ABCD2: variants seen among roughly 807,000 people sequenced by gnomAD.
ABCD2 encodes the protein ATP-binding cassette sub-family D member 2.
A neutral mutation model predicts 70.9 loss-of-function variants in ABCD2; 36 were observed. That is an observed-to-expected ratio of 0.51 (90% CI 0.39 to 0.67). ABCD2 has a LOEUF of 0.67. ABCD2 is among the 30% of genes least tolerant of loss of function. The pLI, the probability that ABCD2 is intolerant of heterozygous loss-of-function variation, is 0.00. For missense variants in ABCD2, 729 were observed against 890.2 expected, an observed-to-expected ratio of 0.82 and a Z score of 2.30; for synonymous variants, 304 against 306.9, an observed-to-expected ratio of 0.99 and a Z score of 0.10.
At chr12:39,549,335 CAAGT>C, downstream of ABCD2, among the ~76,000 whole-genome samples, 1 of 152,028 alleles carries the variant, frequency 6.6e-6, no homozygotes, top group African/African-American at 2.4e-5. Context: ...TACTACAAAA[CAAGT>C]AAGTCATTTA....
intron 9 of ABCD2, among the ~76,000 whole-genome samples, chr12:39,560,966 A>G (rs917027279): frequency 2.6e-5 from 4 of 152,188 alleles, no homozygotes; most frequent in African/African-American, 4.8e-5. Context: ...TTACCCACAA[A>G]GAAAGACTGT....
At chr12:39,566,926 T>G (rs1941358917) in intron 9 of ABCD2, among the ~76,000 whole-genome samples, 1 of 152,232 alleles carries the variant, frequency 6.6e-6, no homozygotes, top group African/African-American at 2.4e-5. Flanking sequence ...TCAGTTTCCA[T>G]GTAGTTTAGC....
chr12:39,603,353 A>G (rs73096561), intron 5 of ABCD2, among the ~76,000 whole-genome samples: 9,122 of 152,166 alleles, frequency 0.06, 572 homozygotes, highest in African/African-American at 0.16. Flanking sequence ...CAGGTTTATT[A>G]GATACTTTTA....
the ABCD2 span, among the ~76,000 whole-genome samples, chr12:39,535,897 C>T: frequency 3.9e-3 from 590 of 152,226 alleles, 5 homozygotes; most frequent in African/African-American, 0.013. Context: ...AATCCCAGCA[C>T]TTTGGGAGGC....
chr12:39,595,594 CTTTA>C (rs1280902598), intron 6 of ABCD2, among the ~76,000 whole-genome samples: 3 of 152,156 alleles, frequency 2.0e-5, no homozygotes, highest in Non-Finnish European at 2.9e-5. Context: ...TGATTCATAA[CTTTA>C]TTTATCAAGT....
At position 39,556,649 on chromosome 12, in the gene ABCD2, C is replaced by T. The variant is rs561152258; in HGVS notation, c.2004-2518G>A. Among the ~76,000 whole-genome samples, 4 of 152,236 alleles carry T rather than the reference C, an allele frequency of 2.6e-5. No homozygotes were observed. In the South Asian group the frequency reaches 6.2e-4, roughly 24 times the overall value. On this transcript the variant is annotated intron_variant, in intron 9 of 9. Transcript: ENST00000308666. ...GCAGTTCTTTATAGCGATATGAAAA[C>T]AGACTAATACAGTAAATTGGTACTG...
intron 9 of ABCD2, 123 bp from the exon 10 acceptor site, chr12:39,554,254 G>GT: frequency 1.1e-6 from 1 of 908,212 alleles, no homozygotes; most frequent in Admixed American, 3.1e-5. Flanking sequence ...TTACATTTGA[G>GT]TTTTAAGGAC....
intron 6 of ABCD2, among the ~76,000 whole-genome samples, chr12:39,597,084 G>A (rs985657420): frequency 1.3e-5 from 2 of 152,018 alleles, no homozygotes; most frequent in Non-Finnish European, 1.5e-5. Context: ...CAGATACAGA[G>A]GCCCAACTGT....
chr12:39,595,890 T>C (rs552190833), intron 6 of ABCD2, among the ~76,000 whole-genome samples: 66 of 152,262 alleles, frequency 4.3e-4, no homozygotes, highest in African/African-American at 1.5e-3. Flanking sequence ...AGCTAGAGAC[T>C]GGGAAAATGG....
At chr12:39,542,218 C>A in the ABCD2 span, among the ~76,000 whole-genome samples, 1 of 152,144 alleles carries the variant, frequency 6.6e-6, no homozygotes, top group African/African-American at 2.4e-5. Flanking sequence ...AATCCCAGCA[C>A]TTTGGGAGGC....
the ABCD2 span, among the ~76,000 whole-genome samples, chr12:39,544,149 A>G: frequency 6.6e-6 from 1 of 152,150 alleles, no homozygotes; most frequent in East Asian, 1.9e-4. Flanking sequence ...GGGGGAAGCC[A>G]GTGAGCCAGA....
At chr12:39,618,022 C>T (rs1334387488) in intron 1 of ABCD2, among the ~76,000 whole-genome samples, 1 of 146,976 alleles carries the variant, frequency 6.8e-6, no homozygotes, top group Non-Finnish European at 1.5e-5. Context: ...TCTCTAATTT[C>T]AGCTTTTTTT....
chr12:39,619,550 C>T lies in ABCD2; in HGVS notation c.66G>A (p.Arg22=). The change falls in exon 1 of 10, where the codon AGG becomes AGA. Residue 22 remains arginine, a synonymous_variant. Coordinates refer to ENST00000308666, the MANE Select transcript of ABCD2 (RefSeq NM_005164.4). ...ATGCCGCAGCCACCAGGCAGGCAGC[C>T]CTCTTAGCAGCACTCGATCTGGTCC... is the stretch of plus-strand genomic sequence containing the variant. The part of the protein sequence containing the change: ...VKWTRSSAAK[R]AACLVAAAYA... The T allele has an allele frequency of 6.2e-7, 1 of 1,611,454 alleles. No homozygotes were observed. Among genetic ancestry groups the T allele is most frequent in the Middle Eastern group, 1.6e-4 (1 of 6,062 alleles).
chr12:39,605,697 G>A (rs1941960562), intron 3 of ABCD2, among the ~76,000 whole-genome samples: 1 of 152,026 alleles, frequency 6.6e-6, no homozygotes, highest in Admixed American at 6.6e-5. Flanking sequence ...ACTCTGAAAG[G>A]TGACTCATTT....
chr12:39,619,476 G>C lies in ABCD2; in HGVS notation c.140C>G (p.Ser47Cys), dbSNP rs148402840. ...YPIIGKRLKQ[S>C]GHGKKKAAAY... ...TGCTGCTTTTTTCTTCCCGTGGCCAGATTGCTTTAAACGCTTGCCAATGAT... is the reference window on the plus strand; with the variant it reads ...TGCTGCTTTTTTCTTCCCGTGGCCACATTGCTTTAAACGCTTGCCAATGAT... The change falls in exon 1 of 10, where the codon TCT (serine) becomes TGT (cysteine). Residue 47 changes from serine (S) to cysteine (C), a missense_variant. Ser to Cys is a moderately radical substitution (Grantham distance 112). Around this residue, in one of 3 missense-constraint regions of ABCD2, gnomAD observed 245 missense variants for 261.2 expected, o/e 0.94. Transcript: ENST00000308666. The C allele has an allele frequency of 1.2e-6, 2 of 1,613,642 alleles. No homozygotes were observed. Among genetic ancestry groups the C allele is most frequent in the Non-Finnish European group, 1.7e-6 (2 of 1,180,032 alleles).
the ABCD2 span, among the ~76,000 whole-genome samples, chr12:39,537,350 A>C: frequency 6.6e-6 from 1 of 152,198 alleles, no homozygotes; most frequent in African/African-American, 2.4e-5. Context: ...GAACGACTGG[A>C]AAGTAGAGTG....
chr12:39,607,503 A>T, intron 3 of ABCD2, 96 bp downstream of exon 3: 1 of 1,016,826 alleles, frequency 9.8e-7, no homozygotes, highest in Non-Finnish European at 1.5e-6. Context: ...GAGAAAAGAT[A>T]TGTTTCCAAA....
At chr12:39,568,481 G>A (rs1309950308) in intron 9 of ABCD2, among the ~76,000 whole-genome samples, 2 of 152,054 alleles carry the variant, frequency 1.3e-5, no homozygotes, top group Non-Finnish European at 2.9e-5. Context: ...GCTCCCTCAG[G>A]TCCTTTAAGG....
chr12:39,598,090 T>A (rs1005463827), intron 6 of ABCD2, among the ~76,000 whole-genome samples: 1 of 152,226 alleles, frequency 6.6e-6, no homozygotes, highest in Non-Finnish European at 1.5e-5. Flanking sequence ...TAATTTTTCC[T>A]TAGTGGTTCA....
Sources: allele counts gnomAD v4.1 joint callset (sites outside exome capture counted in the v4.1 genomes callset), GRCh38; gene constraint gnomAD v4.1.1; regional missense constraint gnomAD v4.1.1; transcripts MANE v1.5; gene names NCBI Gene and HGNC (gene_info 2026-07-23, HGNC 2026-07-21).